Variants in DNAH9 observed in about 807,000 individuals in gnomAD.
DNAH9 encodes the protein DNAH9 variant protein.
Under a neutral mutation model 471.6 loss-of-function variants are expected in DNAH9, and 345 were observed. That is an observed-to-expected ratio of 0.73 (90% CI 0.67 to 0.80). The LOEUF is 0.80. DNAH9 is among the 30% of genes least tolerant of loss of function. The pLI, the probability that DNAH9 is intolerant of heterozygous loss-of-function variation, is 0.00. For synonymous variants in DNAH9, 2,093 were observed against 2,123.6 expected, an observed-to-expected ratio of 0.99 and a Z score of 0.40; for missense variants, 5,407 against 5,609.2, an observed-to-expected ratio of 0.96 and a Z score of 1.15.
At chr17:11,921,173 G>A (rs771426870) in intron 61 of DNAH9, among the ~76,000 whole-genome samples, 1 of 151,942 alleles carries the variant, frequency 6.6e-6, no homozygotes, top group African/African-American at 2.4e-5. Flanking sequence ...AATCTGGGAG[G>A]TGGAGGTTGC....
chr17:11,852,419 C>T (rs1244483624), intron 49 of DNAH9, among the ~76,000 whole-genome samples: 1 of 151,928 alleles, frequency 6.6e-6, no homozygotes, highest in Non-Finnish European at 1.5e-5. Flanking sequence ...GCTGTCTGAC[C>T]CATGACCAGG....
chr17:11,930,001 C>T lies in DNAH9; in HGVS notation c.12013C>T (p.Gln4005Ter). The T allele has an allele frequency of 6.2e-7, 1 of 1,614,130 alleles. No individual in the cohort carries two copies. Among genetic ancestry groups the T allele is most frequent in the Non-Finnish European group, 8.5e-7 (1 of 1,180,012 alleles). ...APSPEGHIIP[Q>*]GILENSIKIT... ...CTCCCCTGAGGGCCACATCATCCCC[C>T]AGGGCATCCTGGAGAACTCCATTAA... The change falls in exon 63 of 69, where the codon CAG becomes TAG. Residue 4005 changes from glutamine (Q) to a stop codon, truncating the protein, a stop_gained. Transcript: ENST00000262442. LOFTEE classifies it high-confidence loss of function.
At chr17:11,671,028 G>A (rs1314609856) in intron 17 of DNAH9, among the ~76,000 whole-genome samples, 2 of 152,168 alleles carry the variant, frequency 1.3e-5, no homozygotes, top group Non-Finnish European at 2.9e-5. Context: ...AGGGCTTCCT[G>A]TGTATTCTTC....
At chr17:11,636,854 A>G (rs1231190838) in intron 9 of DNAH9, 70 bp downstream of exon 9, 2 of 1,377,410 alleles carry the variant, frequency 1.5e-6, no homozygotes, top group Non-Finnish European at 2.1e-6. Context: ...TTCCTCTTGT[A>G]TTTGTTAAAT....
At chr17:11,759,430 T>A (rs1782181156) in intron 35 of DNAH9, among the ~76,000 whole-genome samples, 1 of 152,024 alleles carries the variant, frequency 6.6e-6, no homozygotes, top group Admixed American at 6.6e-5. Context: ...TCCAGTTCCA[T>A]GCATGTTGCT....
intron 28 of DNAH9, among the ~76,000 whole-genome samples, chr17:11,732,578 C>T (rs943038175): frequency 8.6e-5 from 13 of 151,918 alleles, no homozygotes; most frequent in African/African-American, 3.1e-4. Flanking sequence ...TGGACATTCT[C>T]ATGTCTCCAT....
chr17:11,965,390 T>C (rs1315413840), intron 68 of DNAH9, among the ~76,000 whole-genome samples: 1 of 152,224 alleles, frequency 6.6e-6, no homozygotes, highest in Non-Finnish European at 1.5e-5. Context: ...TGGTGACCTC[T>C]AAGCTAACAG....
chr17:11,861,868 G>C (rs1268648547), intron 50 of DNAH9, among the ~76,000 whole-genome samples: 2 of 150,664 alleles, frequency 1.3e-5, no homozygotes, highest in Admixed American at 1.3e-4. Flanking sequence ...TTTTTGATGG[G>C]GTTGTTTTTT....
chr17:11,762,988 C>T (rs1161586798), intron 35 of DNAH9, among the ~76,000 whole-genome samples: 1 of 151,756 alleles, frequency 6.6e-6, no homozygotes, highest in Non-Finnish European at 1.5e-5. Context: ...ACCATGTTAG[C>T]CAGAATGGTC....
At chr17:11,967,091 C>T (rs1976798073) in intron 68 of DNAH9, among the ~76,000 whole-genome samples, 1 of 147,438 alleles carries the variant, frequency 6.8e-6, no homozygotes, top group African/African-American at 2.5e-5. Context: ...TTGTTATGTA[C>T]ATTAGAATAT....
intron 32 of DNAH9, among the ~76,000 whole-genome samples, chr17:11,750,288 T>G (rs1218984420): frequency 6.6e-6 from 1 of 152,120 alleles, no homozygotes; most frequent in African/African-American, 2.4e-5. Context: ...AAAAATTTTT[T>G]GGATAACTTT....
intron 59 of DNAH9, among the ~76,000 whole-genome samples, chr17:11,899,128 T>G (rs1461137418): frequency 2.0e-5 from 3 of 152,124 alleles, no homozygotes; most frequent in Admixed American, 2.0e-4. Flanking sequence ...AAGTGTTTGG[T>G]TGGATTTTAG....
At chr17:11,737,596 C>T (rs1425752179) in intron 28 of DNAH9, among the ~76,000 whole-genome samples, 1 of 152,086 alleles carries the variant, frequency 6.6e-6, no homozygotes, top group African/African-American at 2.4e-5. Flanking sequence ...ATCATTTTTG[C>T]TTATGCATTT....
intron 38 of DNAH9, among the ~76,000 whole-genome samples, chr17:11,775,201 G>C (rs1048245290): frequency 6.6e-6 from 1 of 152,148 alleles, no homozygotes; most frequent in Admixed American, 6.5e-5. Flanking sequence ...TGAATCAACA[G>C]TTCATTCTTT....
chr17:11,751,980 G>A lies in DNAH9; in HGVS notation c.6611-853G>A, dbSNP rs147581105. 2.8e-3 allele frequency among the ~76,000 whole-genome samples: 427 copies of A among 152,164 alleles called. 2 individuals are homozygous for A. Among genetic ancestry groups the A allele is most frequent in the South Asian group, 0.014 (66 of 4,820 alleles). Reference sequence around the variant, plus strand: ...AATTAAAAATAGAAGTGCAGGAGGAGAAAATTCTTTTCACAGTAGCAATAA... The same window carrying A: ...AATTAAAAATAGAAGTGCAGGAGGAAAAAATTCTTTTCACAGTAGCAATAA... On this transcript the variant is annotated intron_variant, in intron 32 of 68. Transcript: ENST00000262442.
intron 24 of DNAH9, among the ~76,000 whole-genome samples, chr17:11,702,464 A>T (rs1281228244): frequency 6.6e-6 from 1 of 152,222 alleles, no homozygotes; most frequent in Non-Finnish European, 1.5e-5. Flanking sequence ...TAGAGTAGAT[A>T]AGATTGCCCT....
Position 11,704,443 on chromosome 17 carries a change from G to T in DNAH9, c.5391+1G>T, listed in dbSNP as rs771283960. ...GGTAGCCAAGATGATTGCTCAGAAG[G>T]TGGGTCCCAAACATCCAGGGATGCC... On this transcript the variant is annotated splice_donor_variant, in intron 25 of 68. Transcript: ENST00000262442. LOFTEE classifies it high-confidence loss of function. The T allele has an allele frequency of 6.2e-7, 1 of 1,612,526 alleles. No homozygotes were observed. The highest frequency in any genetic ancestry group is 8.5e-7 in the Non-Finnish European group (1 of 1,179,882).
intron 61 of DNAH9, among the ~76,000 whole-genome samples, chr17:11,907,649 C>A (rs1973653116): frequency 6.6e-6 from 1 of 151,950 alleles, no homozygotes; most frequent in African/African-American, 2.4e-5. Context: ...GTTTTCAAGT[C>A]TAGTATTGAT....
intron 24 of DNAH9, among the ~76,000 whole-genome samples, chr17:11,701,757 C>T (rs2074601690): frequency 6.6e-6 from 1 of 152,188 alleles, no homozygotes; most frequent in Non-Finnish European, 1.5e-5. Context: ...CGGCTCACTG[C>T]AACCTCCACC....
Sources: gnomAD v4.1 joint callset for allele counts (sites outside exome capture counted in the v4.1 genomes callset) on GRCh38, gnomAD v4.1.1 for gene constraint, MANE v1.5 for transcripts, NCBI Gene and HGNC (gene_info 2026-07-23, HGNC 2026-07-21) for gene names.